The following GPM6A variants were observed in gnomAD, a reference collection of about 807,000 sequenced individuals.
GPM6A encodes glycoprotein M6A.
A neutral mutation model predicts 32.1 loss-of-function variants in GPM6A; 7 were observed. The ratio of observed to expected loss-of-function variants is 0.22; its 90% confidence interval spans 0.12 to 0.41. GPM6A has a LOEUF of 0.41. Among genes scored for constraint, GPM6A ranks in the 10% least tolerant of loss-of-function variants. The pLI is 1.00. For missense variants in GPM6A, 235 were observed against 347.2 expected, an observed-to-expected ratio of 0.68 and a Z score of 2.57; for synonymous variants, 130 against 123.4, an observed-to-expected ratio of 1.05 and a Z score of -0.35.
chr4:175,776,564 A>G (rs17061998), intron 1 of GPM6A, among the ~76,000 whole-genome samples: 18,761 of 152,186 alleles, frequency 0.12, 1,183 homozygotes, highest in Non-Finnish European at 0.14. Context: ...TGATCTTGGA[A>G]GCATGACAAG....
At chr4:175,924,983 A>C (rs1738787429) in intron 1 of GPM6A, among the ~76,000 whole-genome samples, 1 of 152,194 alleles carries the variant, frequency 6.6e-6, no homozygotes. Context: ...ATTAGTTCTT[A>C]AGTTCATGTT....
At chr4:175,899,933 A>T (rs1737904371) in intron 1 of GPM6A, among the ~76,000 whole-genome samples, 1 of 152,132 alleles carries the variant, frequency 6.6e-6, no homozygotes, top group South Asian at 2.1e-4. Context: ...TGAAGAGAAA[A>T]CCCAAAGAAT....
intron 2 of GPM6A, among the ~76,000 whole-genome samples, chr4:175,700,167 ACT>A (rs753498100): frequency 2.6e-4 from 40 of 151,910 alleles, no homozygotes; most frequent in Admixed American, 7.2e-4. Flanking sequence ...CCGGCCCACA[ACT>A]CTATTCTCTT....
chr4:175,939,430 C>T (rs1247138871), intron 1 of GPM6A, among the ~76,000 whole-genome samples: 4 of 152,162 alleles, frequency 2.6e-5, no homozygotes, highest in African/African-American at 4.8e-5. Context: ...TAAAGCAGTA[C>T]AGCTACATTT....
At chr4:175,900,679 T>C (rs1202887217) in intron 1 of GPM6A, among the ~76,000 whole-genome samples, 2 of 152,154 alleles carry the variant, frequency 1.3e-5, no homozygotes, top group Non-Finnish European at 2.9e-5. Flanking sequence ...GGTGGGAATA[T>C]ACACTAGTAC....
At chr4:175,785,392 C>T (rs1291136960) in intron 1 of GPM6A, among the ~76,000 whole-genome samples, 1 of 152,138 alleles carries the variant, frequency 6.6e-6, no homozygotes. Flanking sequence ...ATCAGACAAC[C>T]CACATAACTG....
At chr4:175,797,492 G>A (rs1306562221) in intron 1 of GPM6A, among the ~76,000 whole-genome samples, 1 of 152,084 alleles carries the variant, frequency 6.6e-6, no homozygotes, top group Non-Finnish European at 1.5e-5. Context: ...GGAATACATG[G>A]TAACTGTTTT....
chr4:175,635,380 A>C (rs1380509219), intron 6 of GPM6A, among the ~76,000 whole-genome samples: 2 of 152,098 alleles, frequency 1.3e-5, no homozygotes, highest in African/African-American at 4.8e-5. Flanking sequence ...TAGATGATTC[A>C]TTTCATGTTC....
At chr4:175,834,032 A>G (rs1251289419) in intron 1 of GPM6A, among the ~76,000 whole-genome samples, 1 of 152,048 alleles carries the variant, frequency 6.6e-6, no homozygotes, top group Non-Finnish European at 1.5e-5. Flanking sequence ...TTGTGTAGCT[A>G]CCCTACTAGA....
chr4:175,805,460 A>G (rs555657053), intron 1 of GPM6A, among the ~76,000 whole-genome samples: 124 of 152,190 alleles, frequency 8.1e-4, no homozygotes, highest in Non-Finnish European at 1.4e-3. Flanking sequence ...AACCAAGAAA[A>G]AGCATGACCA....
chr4:175,858,606 T>G (rs1194382627), intron 1 of GPM6A, among the ~76,000 whole-genome samples: 2 of 151,332 alleles, frequency 1.3e-5, no homozygotes, highest in Admixed American at 1.3e-4. Context: ...GAAGTGGAAC[T>G]TTCAAACACT....
chr4:175,827,011 G>A (rs1188195057), intron 1 of GPM6A, among the ~76,000 whole-genome samples: 1 of 152,092 alleles, frequency 6.6e-6, no homozygotes, highest in African/African-American at 2.4e-5. Flanking sequence ...TGAAGTCACT[G>A]CACTAAATGT....
intron 1 of GPM6A, among the ~76,000 whole-genome samples, chr4:175,901,628 C>CTTTTTTTTTTTTTTCTTTTTTTTT (rs59461626): frequency 7.9e-6 from 1 of 127,032 alleles, no homozygotes; most frequent in Non-Finnish European, 1.6e-5. Flanking sequence ...TTTTCTTTTT[C>CTTTTTTTTTTTTTTCTTTTTTTTT]TTTTTTTTTT....
intron 1 of GPM6A, among the ~76,000 whole-genome samples, chr4:175,702,420 T>C (rs529093645): frequency 6.6e-6 from 1 of 152,238 alleles, no homozygotes; most frequent in African/African-American, 2.4e-5. Flanking sequence ...CTAGAACTTA[T>C]TCTTTTTACG....
At chr4:175,637,366 C>CTATATTATATGTT (rs1740775430) in intron 6 of GPM6A, among the ~76,000 whole-genome samples, 1 of 49,082 alleles carries the variant, frequency 2.0e-5, no homozygotes, top group African/African-American at 1.0e-4. Flanking sequence ...TAATATATAA[C>CTATATTATATGTT]ATATAATATA....
chr4:175,676,983 C>T (rs1010572781), intron 2 of GPM6A, among the ~76,000 whole-genome samples: 3 of 152,092 alleles, frequency 2.0e-5, no homozygotes, highest in Non-Finnish European at 4.4e-5. Flanking sequence ...CTTTGTGGCT[C>T]AAACTTAACT....
intron 1 of GPM6A, chr4:175,947,762 AT>A (rs1240566138): frequency 6.6e-6 from 1 of 152,214 alleles, no homozygotes; most frequent in Non-Finnish European, 1.5e-5. Flanking sequence ...CACAATCAAT[AT>A]TACTACTGAG....
At chr4:175,955,635 A>G (rs1739960720) in intron 1 of GPM6A, among the ~76,000 whole-genome samples, 1 of 152,208 alleles carries the variant, frequency 6.6e-6, no homozygotes, top group African/African-American at 2.4e-5. Flanking sequence ...TCTCTGGTTC[A>G]CCTGACTGTG....
chr4:175,685,133 C>T (rs1461118086), intron 2 of GPM6A, among the ~76,000 whole-genome samples: 2 of 152,136 alleles, frequency 1.3e-5, no homozygotes, highest in East Asian at 1.9e-4. Flanking sequence ...TCGTGATCCA[C>T]CTGCCTCGGC....
Sources: allele counts gnomAD v4.1 joint callset (sites outside exome capture counted in the v4.1 genomes callset), GRCh38; gene constraint gnomAD v4.1.1; transcripts MANE v1.5; gene names NCBI Gene and HGNC (gene_info 2026-07-23, HGNC 2026-07-21).